Variants in SYNE1 observed in about 807,000 individuals in gnomAD.
SYNE1 encodes the protein nesprin-1.
Under a neutral mutation model 1,111.0 loss-of-function variants are expected in SYNE1, and 616 were observed. That is an observed-to-expected ratio of 0.55 (90% CI 0.52 to 0.59). The LOEUF is 0.59. Ranked by LOEUF, SYNE1 falls within the 20% of genes least tolerant of loss-of-function variation. The probability of loss-of-function intolerance (pLI) is 0.00; values close to 1 mark genes in which losing one functional copy is unlikely to be tolerated. For missense variants in SYNE1, 10,006 were observed against 10,417.0 expected, an observed-to-expected ratio of 0.96 and a Z score of 1.72; for synonymous variants, 3,855 against 3,825.8, an observed-to-expected ratio of 1.01 and a Z score of -0.28.
intron 58 of SYNE1, among the ~76,000 whole-genome samples, chr6:152,373,577 C>T (rs2097226133): frequency 6.6e-6 from 1 of 152,048 alleles, no homozygotes; most frequent in Non-Finnish European, 1.5e-5. Flanking sequence ...ACCACACCCA[C>T]CTTCTATTAT....
intron 3 of SYNE1, among the ~76,000 whole-genome samples, chr6:152,613,646 A>G (rs2099638234): frequency 6.6e-6 from 1 of 152,238 alleles, no homozygotes. Context: ...TTTAAAGTTT[A>G]TATGGAACCA....
chr6:152,405,575 T>C (rs2097885855), intron 45 of SYNE1, among the ~76,000 whole-genome samples: 1 of 152,260 alleles, frequency 6.6e-6, no homozygotes, highest in Admixed American at 6.5e-5. Flanking sequence ...ACTTATTTTG[T>C]AAATTTAGTT....
intron 111 of SYNE1, among the ~76,000 whole-genome samples, 184 bp from the exon 112 acceptor site, chr6:152,234,147 A>C (rs921075992): frequency 6.6e-6 from 1 of 152,198 alleles, no homozygotes; most frequent in Non-Finnish European, 1.5e-5. Flanking sequence ...CGAAGCCCCG[A>C]CTTGAGAACT....
intron 3 of SYNE1, among the ~76,000 whole-genome samples, chr6:152,606,824 T>A (rs940197694): frequency 5.5e-4 from 82 of 149,624 alleles, no homozygotes; most frequent in Middle Eastern, 3.5e-3. Context: ...AATTTTTTTT[T>A]TATATATTTT....
chr6:152,213,586 C>A (rs144621095), intron 123 of SYNE1, 26 bp downstream of exon 123: 7 of 1,613,558 alleles, frequency 4.3e-6, no homozygotes, highest in East Asian at 2.2e-5. Context: ...TTTCTTATTA[C>A]CCCCAAATCT....
intron 127 of SYNE1, among the ~76,000 whole-genome samples, chr6:152,192,001 CT>C (rs1489999156): frequency 3.3e-5 from 5 of 151,920 alleles, no homozygotes; most frequent in South Asian, 2.1e-4. Context: ...TCTTCATTGA[CT>C]CACTGGTCAT....
chr6:152,187,689 A>G (rs2813522), intron 128 of SYNE1, among the ~76,000 whole-genome samples: 9,544 of 151,942 alleles, frequency 0.063, 467 homozygotes, highest in African/African-American at 0.14. Flanking sequence ...CATCCACACT[A>G]GCCTTAGCTT....
In SYNE1 at chr6:152,381,012, T is replaced by C; in HGVS notation, c.9003A>G (p.Lys3001=). Residue 3001 remains lysine, a synonymous_variant, in exon 56 of 146, where the codon AAA becomes AAG. Coordinates refer to ENST00000367255, the MANE Select transcript of SYNE1 (RefSeq NM_182961.4). ...AAACAGGAAGCCAACTTACTTGTCC[T>C]TTGTGCCAGCATTCCACTATCTCCT... is the stretch of plus-strand genomic sequence containing the variant. ...TDEEIVECWH[K]GQEILDALQK... 1 of 1,614,130 alleles carries C rather than the reference T, an allele frequency of 6.2e-7. No homozygotes were observed. The highest frequency in any genetic ancestry group is 8.5e-7 in the Non-Finnish European group (1 of 1,179,958).
chr6:152,398,120 T>C (rs2154145035), intron 49 of SYNE1, among the ~76,000 whole-genome samples: 1 of 152,298 alleles, frequency 6.6e-6, no homozygotes, highest in African/African-American at 2.4e-5. Context: ...TGTAAATCAT[T>C]TCTTAACTCT....
intron 120 of SYNE1, 67 bp downstream of exon 120, chr6:152,218,936 T>C: frequency 6.6e-7 from 1 of 1,510,198 alleles, no homozygotes; most frequent in Non-Finnish European, 9.1e-7. Flanking sequence ...GAATTCTTTT[T>C]CTGTGTTTGT....
chr6:152,194,795 T>C (rs1168612762), intron 127 of SYNE1, among the ~76,000 whole-genome samples: 1 of 152,256 alleles, frequency 6.6e-6, no homozygotes, highest in Non-Finnish European at 1.5e-5. Context: ...CTCTGATGCA[T>C]TCTTCAGTAT....
chr6:152,499,418 TG>T (rs1166943100), intron 10 of SYNE1, among the ~76,000 whole-genome samples: 1 of 151,998 alleles, frequency 6.6e-6, no homozygotes, highest in Non-Finnish European at 1.5e-5. Context: ...ATATTTAAAA[TG>T]GTATCGATAA....
intron 56 of SYNE1, among the ~76,000 whole-genome samples, chr6:152,379,263 C>T (rs1203170177): frequency 6.6e-6 from 1 of 152,036 alleles, no homozygotes; most frequent in Non-Finnish European, 1.5e-5. Context: ...CTGTTAAGTT[C>T]TAGAATGCAT....
At chr6:152,251,097 G>A (rs889949059) in intron 104 of SYNE1, among the ~76,000 whole-genome samples, 41 of 152,152 alleles carry the variant, frequency 2.7e-4, no homozygotes, top group African/African-American at 9.6e-4. Context: ...CTATAGGCAT[G>A]CACCACCACG....
chr6:152,415,535 A>G (rs1258206165), intron 41 of SYNE1, among the ~76,000 whole-genome samples: 1 of 152,122 alleles, frequency 6.6e-6, no homozygotes, highest in Non-Finnish European at 1.5e-5. Flanking sequence ...AGTCTCTACC[A>G]AGAGGCTCTC....
chr6:152,606,867 GATGGT>G (rs1393734480), intron 3 of SYNE1, among the ~76,000 whole-genome samples: 1 of 151,324 alleles, frequency 6.6e-6, no homozygotes, highest in Non-Finnish European at 1.5e-5. Context: ...TGTTAGCCAG[GATGGT>G]CTTGATCTCC....
At chr6:152,265,554 T>C (rs1021624638) in intron 100 of SYNE1, among the ~76,000 whole-genome samples, 2 of 152,190 alleles carry the variant, frequency 1.3e-5, no homozygotes, top group East Asian at 1.9e-4. Context: ...GCCTATAGTA[T>C]AGCACTTTTA....
Position 152,323,594 on chromosome 6 carries a change from G to GGCC in SYNE1, c.15798_15800dup (p.Ala5267dup). Reference sequence around the variant, plus strand: ...GGGTTTGCTGCCGCAGCATGCCCAAGGCCGACTGCTGCTGCTCCAGCTCCA... The same window carrying GGCC: ...GGGTTTGCTGCCGCAGCATGCCCAAGGCCGCCGACTGCTGCTGCTCCAGCTCCA... On this transcript the variant is annotated inframe_insertion, in exon 82 of 146. Transcript: ENST00000367255. The GGCC allele has an allele frequency of 6.2e-7, 1 of 1,614,238 alleles. No homozygotes were observed. The highest frequency in any genetic ancestry group is 8.5e-7 in the Non-Finnish European group (1 of 1,180,042).
intron 4 of SYNE1, among the ~76,000 whole-genome samples, chr6:152,528,234 C>A (rs920800414): frequency 6.6e-6 from 1 of 152,128 alleles, no homozygotes; most frequent in Non-Finnish European, 1.5e-5. Flanking sequence ...AGGTAAGCGA[C>A]CTCTCCTAAA....
Sources: gnomAD v4.1 joint callset for allele counts (sites outside exome capture counted in the v4.1 genomes callset) on GRCh38, gnomAD v4.1.1 for gene constraint, MANE v1.5 for transcripts, NCBI Gene and HGNC (gene_info 2026-07-23, HGNC 2026-07-21) for gene names.